Variants in CLEC4E observed in about 807,000 individuals in gnomAD.
CLEC4E encodes C-type lectin domain family 4 member E.
In CLEC4E, 21 loss-of-function variants were observed where a neutral mutation model predicts 24.7. The observed-to-expected ratio is 0.85, with a 90% CI of 0.60 to 1.22. The LOEUF (loss-of-function observed/expected upper bound fraction) is 1.22, where lower values mean the gene tolerates loss of function less well. Ranked by LOEUF, CLEC4E falls within the 50% of genes most tolerant of loss-of-function variation. The probability of loss-of-function intolerance (pLI) is 0.00; values close to 1 mark genes in which losing one functional copy is unlikely to be tolerated. For missense variants in CLEC4E, 249 were observed against 254.1 expected, an observed-to-expected ratio of 0.98 and a Z score of 0.14; for synonymous variants, 94 against 85.7, an observed-to-expected ratio of 1.10 and a Z score of -0.54.
intron 3 of CLEC4E, among the ~76,000 whole-genome samples, chr12:8,538,762 C>G (rs929017470): frequency 1.9e-4 from 29 of 152,284 alleles, no homozygotes; most frequent in African/African-American, 7.0e-4. Flanking sequence ...CTTCTAACTT[C>G]TCTCAATTTA....
intron 4 of CLEC4E, among the ~76,000 whole-genome samples, 195 bp downstream of exon 4, chr12:8,536,920 T>G (rs1940622943): frequency 6.6e-6 from 1 of 152,228 alleles, no homozygotes; most frequent in Non-Finnish European, 1.5e-5. Context: ...ACATGGAAAT[T>G]CCCTTTTTCT....
At position 8,534,772 on chromosome 12, in the gene CLEC4E, G is replaced by A. The variant is rs1315475250; in HGVS notation, c.526C>T (p.Leu176=). 6.2e-7 allele frequency: 1 copy of A among 1,614,036 alleles called. No homozygotes were observed. The highest frequency in any genetic ancestry group is 8.5e-7 in the Non-Finnish European group (1 of 1,179,976). The change falls in exon 6 of 6, where the codon CTG becomes TTG. Residue 176 remains leucine (L), a synonymous_variant. Coordinates refer to ENST00000299663, the MANE Select transcript of CLEC4E (RefSeq NM_014358.4). ...DVGEPNNIAT[L]EDCATMRDSS... ...TCTCTCATGGTGGCACAGTCCTCCAGGGTAGCTATGTTGTTGGGCTCCCCT... is the reference window on the plus strand; with the variant it reads ...TCTCTCATGGTGGCACAGTCCTCCAAGGTAGCTATGTTGTTGGGCTCCCCT...
chr12:8,538,564 C>A (rs746541233), intron 3 of CLEC4E, among the ~76,000 whole-genome samples: 1 of 152,180 alleles, frequency 6.6e-6, no homozygotes, highest in African/African-American at 2.4e-5. Flanking sequence ...CCGGTCTCCG[C>A]GCATTGGTGG....
chr12:8,538,406 G>A (rs1213236810), intron 3 of CLEC4E, among the ~76,000 whole-genome samples: 3 of 152,122 alleles, frequency 2.0e-5, no homozygotes, highest in Admixed American at 6.5e-5. Flanking sequence ...TCTCTGCCTC[G>A]GCTGCCAGGC....
Position 8,536,151 on chromosome 12 carries a change from C to T in CLEC4E, c.427G>A (p.Asp143Asn). 1.9e-6 allele frequency: 3 copies of T among 1,613,472 alleles called. No individual in the cohort carries two copies. The highest frequency in any genetic ancestry group is 2.5e-6 in the Non-Finnish European group (3 of 1,179,588). Residue 143 changes from aspartate to asparagine, a missense_variant, in exon 5 of 6, where the codon GAC becomes AAC. Coordinates refer to ENST00000299663, the MANE Select transcript of CLEC4E (RefSeq NM_014358.4). Reference protein sequence around the residue: ...KMREFFIGLSDQVVEGQWQWV... With the variant: ...KMREFFIGLSNQVVEGQWQWV... ...TGCCACTGACCCTCGACAACCTGGT[C>T]TGACAGTCCAATAAAAAACTCTCTC... is the stretch of plus-strand genomic sequence containing the variant.
At chr12:8,536,024 G>T in intron 5 of CLEC4E, 66 bp downstream of exon 5, 1 of 894,316 alleles carries the variant, frequency 1.1e-6, no homozygotes, top group Non-Finnish European at 1.8e-6. Flanking sequence ...CACCAATAAT[G>T]GACCTGATCT....
rs1565496830 is a variant in CLEC4E, at chr12:8,539,948, C to T, written c.38-1G>A. 1 of 1,579,984 alleles carries T rather than the reference C, an allele frequency of 6.3e-7. No individual in the cohort carries two copies. The highest frequency in any genetic ancestry group is 1.1e-5 in the South Asian group (1 of 90,376). Reference sequence around the variant, plus strand: ...ATTTGGGAAGAGAAGCATCCTCTCTCTGTAGAAAGAAAGACACAAACATGA... The same window carrying T: ...ATTTGGGAAGAGAAGCATCCTCTCTTTGTAGAAAGAAAGACACAAACATGA... On this transcript the variant is annotated splice_acceptor_variant, in intron 1 of 5. Coordinates refer to ENST00000299663, the MANE Select transcript of CLEC4E (RefSeq NM_014358.4). LOFTEE classifies it high-confidence loss of function.
chr12:8,534,883 T>A lies in CLEC4E; in HGVS notation c.489-74A>T, dbSNP rs1940592378. 5 of 1,256,378 alleles carry A rather than the reference T, an allele frequency of 4.0e-6. No homozygotes were observed. The Admixed American group carries it at 9.6e-5, about 24-fold the overall frequency. 77.8% of individuals were successfully genotyped at this position (1,256,378 alleles called of 1,614,324 possible). A position where few individuals can be genotyped will look rare whatever the true frequency, so the allele number is the denominator to read the frequency against. Reference sequence around the variant, plus strand: ...AAGTAACCTAATATACTAGGCAAATTACATTTGTGTTATTTAACCTCACAA... The same window carrying A: ...AAGTAACCTAATATACTAGGCAAATAACATTTGTGTTATTTAACCTCACAA... On this transcript the variant is annotated intron_variant, in intron 5 of 5. Transcript: ENST00000299663.
chr12:8,536,313 TG>T, intron 4 of CLEC4E, 108 bp from the exon 5 acceptor site: 3 of 598,412 alleles, frequency 5.0e-6, no homozygotes, highest in Non-Finnish European at 8.9e-6. Flanking sequence ...CCTAGCACTT[TG>T]GGAGGCCGAG....
chr12:8,537,595 T>C (rs1402006056), intron 3 of CLEC4E, among the ~76,000 whole-genome samples: 1 of 152,180 alleles, frequency 6.6e-6, no homozygotes, highest in Non-Finnish European at 1.5e-5. Flanking sequence ...ATGCATTTTA[T>C]TTGGGTGACC....
chr12:8,536,979 C>T (rs753303707), intron 4 of CLEC4E, 136 bp downstream of exon 4: 11 of 741,624 alleles, frequency 1.5e-5, no homozygotes, highest in South Asian at 8.8e-5. Flanking sequence ...GTGACTTTAC[C>T]GAAATAGTAA....
chr12:8,539,565 T>A (rs747172297), intron 2 of CLEC4E, among the ~76,000 whole-genome samples: 8 of 152,152 alleles, frequency 5.3e-5, no homozygotes, highest in Admixed American at 1.3e-4. Flanking sequence ...CAGACTCTCC[T>A]AGAGAAGGTT....
intron 1 of CLEC4E, among the ~76,000 whole-genome samples, 184 bp from the exon 2 acceptor site, chr12:8,540,131 T>C (rs1940677674): frequency 6.6e-6 from 1 of 152,192 alleles, no homozygotes; most frequent in African/African-American, 2.4e-5. Context: ...TTGCTGACCC[T>C]TACCCCCAGA....
chr12:8,539,986 A>G lies in CLEC4E; in HGVS notation c.38-39T>C, dbSNP rs1197684832. On this transcript the variant is annotated intron_variant, in intron 1 of 5. Coordinates refer to ENST00000299663, the MANE Select transcript of CLEC4E (RefSeq NM_014358.4). Reference sequence around the variant, plus strand: ...GACACAAACATGATCAATCTTCCCTAAGCAAGGTACAAAAGAGATAGAAGA... The same window carrying G: ...GACACAAACATGATCAATCTTCCCTGAGCAAGGTACAAAAGAGATAGAAGA... The G allele has an allele frequency of 8.9e-6, 11 of 1,238,654 alleles. No homozygotes were observed. The South Asian group carries it at 1.1e-4, about 12-fold the overall frequency. 76.7% of individuals were successfully genotyped at this position (1,238,654 alleles called of 1,614,324 possible).
chr12:8,539,099 A>G (rs1053318753), intron 3 of CLEC4E, 118 bp downstream of exon 3: 13 of 681,680 alleles, frequency 1.9e-5, no homozygotes, highest in Admixed American at 1.6e-4. Flanking sequence ...AGGATTTTAC[A>G]TTTTGCTTTT....
Position 8,540,825 on chromosome 12 carries a change from C to CTCTG in CLEC4E, c.-29_-28insCAGA. The CTCTG allele has an allele frequency of 1.5e-6, 2 of 1,370,674 alleles. No homozygotes were observed. The highest frequency in any genetic ancestry group is 2.1e-6 in the Non-Finnish European group (2 of 964,106). 84.9% of individuals were successfully genotyped at this position (1,370,674 alleles called of 1,614,324 possible). A position where few individuals can be genotyped will look rare whatever the true frequency, so the allele number is the denominator to read the frequency against. On this transcript the variant is annotated 5_prime_UTR_variant, in exon 1 of 6. Transcript: ENST00000299663. ...TTTCTCTCTCTTTGGTTTTTTGTTT[C>CTCTG]TCTCTCTCTCTTTTTCTCTCCCTCC...
At chr12:8,539,091 G>T in intron 3 of CLEC4E, 126 bp downstream of exon 3, 1 of 645,966 alleles carries the variant, frequency 1.5e-6, no homozygotes, top group Non-Finnish European at 2.7e-6. Flanking sequence ...AAATTTCTAG[G>T]ATTTTACATT....
At position 8,534,527 on chromosome 12, in the gene CLEC4E, A is replaced by G; in HGVS notation, c.*111T>C. 1.4e-6 allele frequency: 1 copy of G among 693,994 alleles called. No individual in the cohort carries two copies. The highest frequency in any genetic ancestry group is 2.1e-5 in the South Asian group (1 of 46,882). 43.0% of individuals were successfully genotyped at this position (693,994 alleles called of 1,614,324 possible). A position where few individuals can be genotyped will look rare whatever the true frequency, so the allele number is the denominator to read the frequency against. On this transcript the variant is annotated 3_prime_UTR_variant, in exon 6 of 6. Transcript: ENST00000299663. ...ATTTTTATTTATATCAGAGTAACAA[A>G]TACTTATGAAGTCCTTTGAAGTTCA...
At chr12:8,539,972 G>A in intron 1 of CLEC4E, 25 bp from the exon 2 acceptor site, 2 of 1,382,108 alleles carry the variant, frequency 1.4e-6, no homozygotes, top group Non-Finnish European at 2.1e-6. Context: ...ACACAAACAT[G>A]ATCAATCTTC....
Sources: allele counts gnomAD v4.1 joint callset (sites outside exome capture counted in the v4.1 genomes callset), GRCh38; gene constraint gnomAD v4.1.1; transcripts MANE v1.5; gene names NCBI Gene and HGNC (gene_info 2026-07-23, HGNC 2026-07-21).